The following CLIP1 variants were observed in gnomAD, a reference collection of about 807,000 sequenced individuals.
CLIP1 encodes the protein CAP-Gly domain-containing linker protein 1.
In CLIP1, 66 loss-of-function variants were observed where a neutral mutation model predicts 161.6. The ratio of observed to expected loss-of-function variants is 0.41; its 90% CI spans 0.33 to 0.50. The LOEUF is 0.50. Among genes scored for constraint, CLIP1 ranks in the 20% least tolerant of loss-of-function variants. The probability of loss-of-function intolerance (pLI) is 0.27; values close to 1 mark genes in which losing one functional copy is unlikely to be tolerated. For synonymous variants in CLIP1, 598 were observed against 626.2 expected, an observed-to-expected ratio of 0.96 and a Z score of 0.67; for missense variants, 1,376 against 1,702.0, an observed-to-expected ratio of 0.81 and a Z score of 3.37.
chr12:122,275,716 C>G (rs970289547), intron 24 of CLIP1: 4 of 151,876 alleles, frequency 2.6e-5, no homozygotes, highest in Non-Finnish European at 4.4e-5. Flanking sequence ...ACTCTACAAT[C>G]CATCCAGGAC....
chr12:122,304,133 C>A (rs1295115935), intron 20 of CLIP1, among the ~76,000 whole-genome samples: 1 of 152,196 alleles, frequency 6.6e-6, no homozygotes, highest in Non-Finnish European at 1.5e-5. Context: ...TTGGTAAAAT[C>A]CTGCGGTGGT....
At chr12:122,345,425 T>C (rs1952700860) in intron 10 of CLIP1, among the ~76,000 whole-genome samples, 2 of 152,028 alleles carry the variant, frequency 1.3e-5, no homozygotes, top group Admixed American at 6.6e-5. Context: ...CCTCCCAAAG[T>C]GCTGGGATTA....
chr12:122,419,345 G>A (rs1956855775), intron 1 of CLIP1, among the ~76,000 whole-genome samples: 1 of 151,242 alleles, frequency 6.6e-6, no homozygotes, highest in Non-Finnish European at 1.5e-5. Flanking sequence ...CTCTAGCCTG[G>A]GCAACAGAGT....
chr12:122,330,712 G>A (rs1951917231), intron 15 of CLIP1, among the ~76,000 whole-genome samples: 1 of 146,654 alleles, frequency 6.8e-6, no homozygotes. Flanking sequence ...TGATTCTCCT[G>A]CCTCAGCCTC....
intron 9 of CLIP1, among the ~76,000 whole-genome samples, chr12:122,349,445 G>A (rs918546223): frequency 2.6e-5 from 4 of 152,168 alleles, no homozygotes; most frequent in East Asian, 1.9e-4. Context: ...ACAGGCATGC[G>A]CCACCACACC....
chr12:122,288,329 A>T lies in CLIP1; in HGVS notation c.3647+160T>A, dbSNP rs556837371. 4.6e-5 allele frequency among the ~76,000 whole-genome samples: 7 copies of T among 152,246 alleles called. No homozygotes were observed. In the East Asian group the frequency reaches 1.4e-3, roughly 29 times the overall value. ...GTGAGCTATCACACCTAGCCCTGCAAATGGATTTTCATATTTTGTCAGTTA... is the reference window on the plus strand; with the variant it reads ...GTGAGCTATCACACCTAGCCCTGCATATGGATTTTCATATTTTGTCAGTTA... On this transcript the variant is annotated intron_variant, in intron 21 of 25. Coordinates refer to ENST00000620786, the MANE Select transcript of CLIP1 (RefSeq NM_001247997.2).
At chr12:122,361,670 A>T (rs1953818016) in intron 4 of CLIP1, among the ~76,000 whole-genome samples, 1 of 152,190 alleles carries the variant, frequency 6.6e-6, no homozygotes, top group Non-Finnish European at 1.5e-5. Flanking sequence ...GTTCAAGACC[A>T]GCCAGGGCAA....
chr12:122,321,335 T>G (rs1174656025), intron 17 of CLIP1, among the ~76,000 whole-genome samples: 1 of 151,554 alleles, frequency 6.6e-6, no homozygotes, highest in African/African-American at 2.4e-5. Flanking sequence ...AACCTCCATC[T>G]CCTGGATTCA....
intron 1 of CLIP1, among the ~76,000 whole-genome samples, chr12:122,410,005 G>C (rs778794965): frequency 6.6e-6 from 1 of 151,560 alleles, no homozygotes; most frequent in Admixed American, 6.6e-5. Flanking sequence ...CGAGTAGCTG[G>C]GACTACAGGC....
rs1029215700 is a variant in CLIP1, at chr12:122,347,444, C to T, written c.1437G>A (p.Glu479=). The T allele has an allele frequency of 6.2e-7, 1 of 1,613,892 alleles. No homozygotes were observed. Among genetic ancestry groups the T allele is most frequent in the South Asian group, 1.1e-5 (1 of 91,082 alleles). ...QTKLEHARIK[E]LEQSLLFEKT... ...TTTCAAAGAGCAGGCTCTGTTCAAG[C>T]TCCTTAATGCGGGCATGCTCCAGTT... The change falls in exon 10 of 26, where the codon GAG becomes GAA. Residue 479 remains glutamate, a synonymous_variant. Transcript: ENST00000620786.
chr12:122,288,977 G>A (rs112842227), intron 20 of CLIP1, among the ~76,000 whole-genome samples: 23 of 151,156 alleles, frequency 1.5e-4, no homozygotes, highest in African/African-American at 5.3e-4. Context: ...CACAACGCCC[G>A]GCTAATTTTT....
chr12:122,310,455 T>C (rs1951023197), intron 19 of CLIP1, among the ~76,000 whole-genome samples: 1 of 152,260 alleles, frequency 6.6e-6, no homozygotes, highest in Non-Finnish European at 1.5e-5. Flanking sequence ...CCTAATTACA[T>C]AACAGGTGTT....
At chr12:122,296,768 G>A (rs1268737339) in intron 20 of CLIP1, among the ~76,000 whole-genome samples, 1 of 151,058 alleles carries the variant, frequency 6.6e-6, no homozygotes, top group Admixed American at 6.6e-5. Context: ...GGAAGCTGAG[G>A]CAGGAGGATT....
At chr12:122,399,269 T>A (rs181624224) in intron 1 of CLIP1, 2 of 151,820 alleles carry the variant, frequency 1.3e-5, no homozygotes, top group African/African-American at 4.8e-5. Flanking sequence ...TTAAATAAGA[T>A]CTGTTTCTAA....
intron 3 of CLIP1, among the ~76,000 whole-genome samples, chr12:122,366,030 G>C (rs1954148548): frequency 6.6e-6 from 1 of 151,650 alleles, no homozygotes; most frequent in Admixed American, 6.6e-5. Flanking sequence ...AAAGTAAATA[G>C]GCCAGGCACG....
chr12:122,402,136 A>T (rs1313456857), intron 1 of CLIP1, among the ~76,000 whole-genome samples: 1 of 152,220 alleles, frequency 6.6e-6, no homozygotes, highest in East Asian at 1.9e-4. Flanking sequence ...CCATATTTTT[A>T]AAAATGAAAA....
intron 23 of CLIP1, 172 bp downstream of exon 23, chr12:122,278,620 A>G: frequency 1.5e-6 from 1 of 649,016 alleles, no homozygotes; most frequent in Non-Finnish European, 2.5e-6. Flanking sequence ...AGCCCCAGGA[A>G]CGGGGATGGC....
chr12:122,422,672 CAGG>C (rs1345487389), upstream of CLIP1: 1 of 144,414 alleles, frequency 6.9e-6, no homozygotes, highest in Non-Finnish European at 1.5e-5. Context: ...CGCGCGCTGC[CAGG>C]AGAAGACGCC....
intron 1 of CLIP1, among the ~76,000 whole-genome samples, chr12:122,414,321 T>A (rs1956649661): frequency 6.6e-6 from 1 of 150,674 alleles, no homozygotes; most frequent in Non-Finnish European, 1.5e-5. Context: ...CTAGTTTTTT[T>A]AAGTTTTTGT....
Sources: allele counts gnomAD v4.1 joint callset (sites outside exome capture counted in the v4.1 genomes callset), GRCh38; gene constraint gnomAD v4.1.1; transcripts MANE v1.5; gene names NCBI Gene and HGNC (gene_info 2026-07-23, HGNC 2026-07-21).